Variants in DENND2C observed in about 807,000 individuals in gnomAD.
DENND2C encodes DENN domain-containing protein 2C.
Under a neutral mutation model 112.4 loss-of-function variants are expected in DENND2C, and 72 were observed. The ratio of observed to expected loss-of-function variants is 0.64; its 90% CI spans 0.53 to 0.78. The LOEUF (loss-of-function observed/expected upper bound fraction) is 0.78. DENND2C is among the 30% of genes least tolerant of loss of function. DENND2C has a pLI of 0.00. For missense variants in DENND2C, 992 were observed against 1,113.8 expected (o/e 0.89, Z 1.56); for synonymous variants, 329 against 381.6 (o/e 0.86, Z 1.61).
intron 3 of DENND2C, among the ~76,000 whole-genome samples, chr1:114,641,557 T>C (rs918098215): frequency 6.6e-6 from 1 of 152,036 alleles, no homozygotes; most frequent in Non-Finnish European, 1.5e-5. Flanking sequence ...TCCTGGCACC[T>C]CCTCTCAACT....
In DENND2C at chr1:114,602,166, C is replaced by G. The variant is rs537563561; in HGVS notation, c.1696G>C (p.Glu566Gln). Reference sequence around the variant, plus strand: ...TAACCAAACCACCGGCTTCCATCTTCACCAGTCAAGACAAAGGAGAATGTT... The same window carrying G: ...TAACCAAACCACCGGCTTCCATCTTGACCAGTCAAGACAAAGGAGAATGTT... Reference protein sequence around the residue: ...SETFSFVLTGEDGSRWFGYCK... With the variant: ...SETFSFVLTGQDGSRWFGYCK... Residue 566 changes from glutamate (E) to glutamine (Q), a missense_variant, in exon 12 of 21, where the codon GAA (glutamate) becomes CAA (glutamine). Glu to Gln is a conservative substitution (Grantham distance 29, BLOSUM62 2). Transcript: ENST00000393274. 3 of 1,613,828 alleles carry G rather than the reference C, an allele frequency of 1.9e-6. No homozygotes were observed. In the East Asian group the frequency reaches 6.7e-5, roughly 36 times the overall value.
At chr1:114,644,329 C>A (rs1207839433) in intron 3 of DENND2C, among the ~76,000 whole-genome samples, 1 of 152,154 alleles carries the variant, frequency 6.6e-6, no homozygotes, top group Admixed American at 6.5e-5. Context: ...GTTTACTTCT[C>A]TCCCTCACTG....
chr1:114,646,027 C>T (rs1450563422), intron 2 of DENND2C, among the ~76,000 whole-genome samples: 1 of 151,822 alleles, frequency 6.6e-6, no homozygotes, highest in Non-Finnish European at 1.5e-5. Context: ...CCCGGGTTCA[C>T]GCCATTCTCC....
At chr1:114,631,419 T>C (rs1331990306) in intron 3 of DENND2C, among the ~76,000 whole-genome samples, 1 of 152,126 alleles carries the variant, frequency 6.6e-6, no homozygotes, top group East Asian at 1.9e-4. Flanking sequence ...GTCCGTCATC[T>C]AATCAAAATT....
intron 16 of DENND2C, among the ~76,000 whole-genome samples, chr1:114,596,237 C>T (rs1189533373): frequency 6.6e-6 from 1 of 152,052 alleles, no homozygotes; most frequent in African/African-American, 2.4e-5. Flanking sequence ...TAGTACACAC[C>T]TGTAGTCCCA....
intron 16 of DENND2C, among the ~76,000 whole-genome samples, chr1:114,596,322 A>G (rs553022730): frequency 2.0e-5 from 3 of 152,166 alleles, no homozygotes; most frequent in Admixed American, 6.5e-5. Context: ...GATTGCGCCA[A>G]TGCACTCCAG....
intron 1 of DENND2C, among the ~76,000 whole-genome samples, chr1:114,665,483 T>G (rs1288879348): frequency 6.6e-6 from 1 of 152,214 alleles, no homozygotes; most frequent in African/African-American, 2.4e-5. Flanking sequence ...TTCAACTTTA[T>G]GATGGTGCCA....
rs775046012 is a variant in DENND2C, at chr1:114,587,778, A to G, written c.2606T>C (p.Met869Thr). 5.1e-5 allele frequency: 82 copies of G among 1,614,068 alleles called. No individual in the cohort carries two copies. The highest frequency in any genetic ancestry group is 6.7e-5 in the African/African-American group (5 of 74,928). The change falls in exon 19 of 21, where the codon ATG (methionine) becomes ACG (threonine). Residue 869 changes from methionine to threonine, a missense_variant. Around this residue, in one of 3 missense-constraint regions of DENND2C, gnomAD observed 516 missense variants for 623.6 expected, o/e 0.83. Transcript: ENST00000393274. ...GAATCCTGCAAACATCTGAGTTTCC[A>G]TGAAGAGATCCAGGAAGTGGCGTAC... is the stretch of plus-strand genomic sequence containing the variant. ...RSVRHFLDLF[M>T]ETQMFAGFIQ...
intron 12 of DENND2C, among the ~76,000 whole-genome samples, 167 bp from the exon 13 acceptor site, chr1:114,601,752 A>T (rs1655510436): frequency 6.6e-6 from 1 of 152,222 alleles, no homozygotes; most frequent in Admixed American, 6.5e-5. Context: ...AAATGATAGC[A>T]TGTTTTATTC....
intron 1 of DENND2C, among the ~76,000 whole-genome samples, chr1:114,664,910 T>C (rs1657604162): frequency 7.1e-6 from 1 of 141,606 alleles, no homozygotes; most frequent in African/African-American, 2.6e-5. Flanking sequence ...CTGATCAATA[T>C]GGTGAAACCC....
chr1:114,660,794 A>G (rs1657469491), intron 1 of DENND2C, among the ~76,000 whole-genome samples: 1 of 152,082 alleles, frequency 6.6e-6, no homozygotes, highest in South Asian at 2.1e-4. Context: ...AAATATACCC[A>G]TACAGCTGTG....
chr1:114,605,006 T>C lies in DENND2C; in HGVS notation c.1583A>G (p.Lys528Arg). ...GKDDHGYKQS[K>R]DMEERLKVIP... ...AACTTTAAGTCTCTCTTCCATGTCT[T>C]TGGACTGCTTATAGCCATGATCATC... The change falls in exon 11 of 21, where the codon AAA becomes AGA. Residue 528 changes from lysine to arginine, a missense_variant. Lys to Arg is a conservative substitution (Grantham distance 26, BLOSUM62 2). Around this residue, in one of 3 missense-constraint regions of DENND2C, gnomAD observed 516 missense variants for 623.6 expected, o/e 0.83. Coordinates refer to ENST00000393274, the MANE Select transcript of DENND2C (RefSeq NM_001256404.2). 1 of 1,613,618 alleles carries C rather than the reference T, an allele frequency of 6.2e-7. No individual in the cohort carries two copies. Among genetic ancestry groups the C allele is most frequent in the Non-Finnish European group, 8.5e-7 (1 of 1,179,868 alleles).
At chr1:114,638,518 G>C (rs1292503363) in intron 3 of DENND2C, among the ~76,000 whole-genome samples, 1 of 152,074 alleles carries the variant, frequency 6.6e-6, no homozygotes, top group South Asian at 2.1e-4. Flanking sequence ...CAGCACTTTG[G>C]GGGGCCCAGG....
At chr1:114,596,644 G>A (rs575577497) in intron 16 of DENND2C, among the ~76,000 whole-genome samples, 22 of 152,240 alleles carry the variant, frequency 1.4e-4, no homozygotes, top group African/African-American at 5.3e-4. Flanking sequence ...TAAGAGTAAA[G>A]ACAGGCCATG....
rs147119974 is a variant in DENND2C, at chr1:114,655,960, T to C, written c.-573-1199A>G. 9.1e-4 allele frequency among the ~76,000 whole-genome samples: 138 copies of C among 151,334 alleles called. 1 individual carries two copies. The highest frequency in any genetic ancestry group is 3.4e-3 in the Middle Eastern group (1 of 290). On this transcript the variant is annotated intron_variant, in intron 1 of 20. Transcript: ENST00000393274. ...TCGGTTTTTCTTCGTTTCTGTATAC[T>C]ATTTCATTTAATGGTAATGCCAGTA...
At chr1:114,595,494 A>G (rs113996060) in intron 17 of DENND2C, 8,079 of 171,846 alleles carry the variant, frequency 0.047, 235 homozygotes, top group South Asian at 0.075. Flanking sequence ...AAAAAAAAAA[A>G]AAAAAGAAAT....
intron 10 of DENND2C, among the ~76,000 whole-genome samples, chr1:114,606,174 AC>A (rs1557942892): frequency 6.6e-6 from 1 of 152,158 alleles, no homozygotes; most frequent in Admixed American, 6.6e-5. Flanking sequence ...CAGCTGGCCA[AC>A]TAGCTGGGAT....
chr1:114,654,353 A>G (rs551748655), intron 2 of DENND2C, among the ~76,000 whole-genome samples, 152 bp downstream of exon 2: 93 of 151,986 alleles, frequency 6.1e-4, no homozygotes, highest in African/African-American at 2.1e-3. Context: ...AATGGCATGA[A>G]CCCGGGAGGC....
intron 8 of DENND2C, among the ~76,000 whole-genome samples, chr1:114,617,540 C>T (rs1342383083): frequency 6.6e-6 from 1 of 152,038 alleles, no homozygotes; most frequent in Non-Finnish European, 1.5e-5. Context: ...GAACTCCTGA[C>T]CTTGTGATCT....
Sources: allele counts gnomAD v4.1 joint callset (sites outside exome capture counted in the v4.1 genomes callset), GRCh38; gene constraint gnomAD v4.1.1; regional missense constraint gnomAD v4.1.1; transcripts MANE v1.5; gene names NCBI Gene and HGNC (gene_info 2026-07-23, HGNC 2026-07-21).